ERCC5: variants seen among roughly 807,000 people sequenced by gnomAD.
ERCC5 encodes the protein ERCC excision repair 5, endonuclease, also known as DNA excision repair protein ERCC-5.
Under a neutral mutation model 105.6 loss-of-function variants are expected in ERCC5, and 68 were observed. The observed-to-expected ratio is 0.64, with a 90% CI of 0.53 to 0.79. The LOEUF (loss-of-function observed/expected upper bound fraction) is 0.79, where lower values mean the gene tolerates loss of function less well. Among genes scored for constraint, ERCC5 ranks in the 30% least tolerant of loss-of-function variants. ERCC5 has a pLI of 0.00. For synonymous variants in ERCC5, 546 were observed against 526.2 expected (o/e 1.04, Z -0.51); for missense variants, 1,373 against 1,426.7 (o/e 0.96, Z 0.61).
Position 102,853,811 on chromosome 13 carries a change from G to A in ERCC5, c.319G>A (p.Glu107Lys), listed in dbSNP as rs2140518834. The A allele has an allele frequency of 6.2e-7, 1 of 1,614,206 alleles. No homozygotes were observed. Among genetic ancestry groups the A allele is most frequent in the Non-Finnish European group, 8.5e-7 (1 of 1,180,032 alleles). Residue 107 changes from glutamate (E) to lysine (K), a missense_variant, in exon 3 of 15, where the codon GAG becomes AAG. Around this residue, in one of 3 missense-constraint regions of ERCC5, gnomAD observed 1,004 missense variants for 1,059.7 expected, o/e 0.95. Transcript: ENST00000652225. ...LASSDSRKTT[E>K]KLLKTFLKRQ... ...GTCCAGTGACTCCAGGAAAACGACA[G>A]AGAAGCTTCTGAAAACATTTTTGAA... is the stretch of plus-strand genomic sequence containing the variant.
At position 102,862,919 on chromosome 13, in the gene ERCC5, A is replaced by T. The variant is rs1049062085; in HGVS notation, c.1770A>T (p.Val590=). The change falls in exon 8 of 15, where the codon GTA becomes GTT. Residue 590 remains valine (V), a synonymous_variant. Transcript: ENST00000652225. ...GTTTGCAAGAAACAAGTAGCATAGT[A>T]AGTGTCCCTTCAGAGGCAGTAGATA... ...PVSLQETSSI[V]SVPSEAVDNV... is the part of the protein sequence containing the mutation. 5 of 1,614,118 alleles carry T rather than the reference A, an allele frequency of 3.1e-6. No homozygotes were observed. The highest frequency in any genetic ancestry group is 4.2e-6 in the Non-Finnish European group (5 of 1,180,044).
chr13:102,868,947 C>G (rs1293751766), intron 12 of ERCC5, among the ~76,000 whole-genome samples: 2 of 152,194 alleles, frequency 1.3e-5, no homozygotes, highest in African/African-American at 2.4e-5. Context: ...GAAATATAGT[C>G]ACATACCACA....
chr13:102,868,064 G>A, intron 11 of ERCC5, 49 bp from the exon 12 acceptor site: 2 of 1,554,676 alleles, frequency 1.3e-6, no homozygotes, highest in Non-Finnish European at 1.8e-6. Context: ...GTTTATAAAT[G>A]TCATATAAGA....
chr13:102,863,226 G>A (rs1013836713), intron 8 of ERCC5, 123 bp downstream of exon 8: 3 of 1,144,738 alleles, frequency 2.6e-6, no homozygotes, highest in Non-Finnish European at 3.7e-6. Flanking sequence ...GACGTAGAAA[G>A]AAAGATGAAA....
chr13:102,863,820 T>C (rs1882735643), intron 8 of ERCC5, among the ~76,000 whole-genome samples: 1 of 152,112 alleles, frequency 6.6e-6, no homozygotes. Flanking sequence ...AGCAAGAAGC[T>C]CCGGCCCCAG....
chr13:102,866,549 G>A, intron 10 of ERCC5, 83 bp from the exon 11 acceptor site: 1 of 1,599,460 alleles, frequency 6.3e-7, no homozygotes, highest in Non-Finnish European at 8.5e-7. Flanking sequence ...TGCATTACAT[G>A]AAGTGGTAGG....
At chr13:102,866,075 C>T (rs1172738543) in intron 9 of ERCC5, 164 bp downstream of exon 9, 22 of 1,482,090 alleles carry the variant, frequency 1.5e-5, no homozygotes, top group Non-Finnish European at 1.9e-5. Flanking sequence ...GGATAGACTC[C>T]GTTTTCCATG....
rs750192813 is a variant in ERCC5 at position 102,856,065 on chromosome 13, GATGAAA to G, written c.483_488del (p.Asp161_Lys163delinsGlu). On this transcript the variant is annotated inframe_deletion, in exon 5 of 15. Coordinates refer to ENST00000652225, the MANE Select transcript of ERCC5 (RefSeq NM_000123.4). ...TTTGACTTTCAGTTCAGAAGAGGAA[GATGAAA>G]AAGAATGGCAAGAAAGAATGAATCA... The G allele has an allele frequency of 4.3e-6, 7 of 1,613,836 alleles. No individual in the cohort carries two copies. Among genetic ancestry groups the G allele is most frequent in the Non-Finnish European group, 5.9e-6 (7 of 1,179,928 alleles).
chr13:102,853,110 G>A (rs1458678009), intron 2 of ERCC5, among the ~76,000 whole-genome samples: 1 of 152,174 alleles, frequency 6.6e-6, no homozygotes. Flanking sequence ...AATGCTGGGG[G>A]ACCTTTGTTG....
chr13:102,873,118 T>C lies in ERCC5; in HGVS notation c.2880-141T>C, dbSNP rs4150364. ...GGAGTCATTTATTTTGTTAGTACTT[T>C]CTTTTAGCACTCTAATCTTTATAAA... is the stretch of plus-strand genomic sequence containing the variant. On this transcript the variant is annotated intron_variant, in intron 13 of 14. Transcript: ENST00000652225. 6.3e-5 allele frequency: 57 copies of C among 899,906 alleles called. No individual in the cohort carries two copies. The African/African-American group carries it at 9.6e-4, about 15-fold the overall frequency. The allele number at this position is 899,906 out of a possible 1,614,324, so 55.7% of individuals were successfully genotyped here. A position where few individuals can be genotyped will look rare whatever the true frequency, so the allele number is the denominator to read the frequency against.
At chr13:102,861,485 T>G (rs1190863041) in intron 6 of ERCC5, 22 bp from the exon 7 acceptor site, 8 of 1,612,474 alleles carry the variant, frequency 5.0e-6, no homozygotes, top group Non-Finnish European at 6.8e-6. Flanking sequence ...ACAGTAATTT[T>G]GTTTGTTTAT....
At chr13:102,853,927 G>A in intron 3 of ERCC5, 55 bp downstream of exon 3, 1 of 1,535,666 alleles carries the variant, frequency 6.5e-7, no homozygotes, top group Non-Finnish European at 9.0e-7. Context: ...AGTGATTTTT[G>A]TCTTGATTTC....
chr13:102,868,498 A>T (rs1054381671), intron 12 of ERCC5, among the ~76,000 whole-genome samples: 21 of 152,194 alleles, frequency 1.4e-4, no homozygotes, highest in African/African-American at 4.8e-4. Flanking sequence ...ATTTCACAGG[A>T]ATGTAGAAGT....
chr13:102,873,317 G>T lies in ERCC5; in HGVS notation c.2938G>T (p.Val980Leu). 6.2e-7 allele frequency: 1 copy of T among 1,614,088 alleles called. No homozygotes were observed. Among genetic ancestry groups the T allele is most frequent in the East Asian group, 2.2e-5 (1 of 44,862 alleles). The change falls in exon 14 of 15, where the codon GTA (valine) becomes TTA (leucine). Residue 980 changes from valine to leucine, a missense_variant. Val to Leu is a conservative substitution (Grantham distance 32, BLOSUM62 1). Coordinates refer to ENST00000652225, the MANE Select transcript of ERCC5 (RefSeq NM_000123.4). Reference sequence around the variant, plus strand: ...GAAGACAGATGAATCTCTGTTTCCTGTATTAAAGCAACTCGATGCCCAGCA... The same window carrying T: ...GAAGACAGATGAATCTCTGTTTCCTTTATTAAAGCAACTCGATGCCCAGCA... ...RTKTDESLFP[V>L]LKQLDAQQTQ...
chr13:102,853,444 ATAAT>A (rs1204858318), intron 2 of ERCC5, among the ~76,000 whole-genome samples: 1 of 152,258 alleles, frequency 6.6e-6, no homozygotes, highest in Non-Finnish European at 1.5e-5. Context: ...GAATAAATAA[ATAAT>A]TTCTTTTGGG....
intron 4 of ERCC5, among the ~76,000 whole-genome samples, chr13:102,855,408 C>A (rs1385881661): frequency 6.6e-6 from 1 of 152,082 alleles, no homozygotes; most frequent in Non-Finnish European, 1.5e-5. Flanking sequence ...TGCCACCACA[C>A]CTGGCTAATT....
chr13:102,854,052 C>A lies in ERCC5; in HGVS notation c.380+180C>A. On this transcript the variant is annotated intron_variant, in intron 3 of 14. Coordinates refer to ENST00000652225, the MANE Select transcript of ERCC5 (RefSeq NM_000123.4). ...TTTGGAGTTGTGGCAATTCTCCGTT[C>A]TGTGAGAATCAACTTTGCTAATGAG... The A allele has an allele frequency of 5.4e-6, 4 of 734,092 alleles. No individual in the cohort carries two copies. In the East Asian group the frequency reaches 8.1e-5, roughly 15 times the overall value. The allele number at this position is 734,092 out of a possible 1,614,324, so 45.5% of individuals were successfully genotyped here.
chr13:102,849,276 T>C (rs1357940796), intron 1 of ERCC5: 3 of 518,178 alleles, frequency 5.8e-6, no homozygotes, highest in Non-Finnish European at 1.2e-5. Flanking sequence ...ATTTTAGAAC[T>C]GGTTTCCTTA....
At chr13:102,849,719 C>T (rs556027988) in intron 1 of ERCC5, among the ~76,000 whole-genome samples, 1 of 152,208 alleles carries the variant, frequency 6.6e-6, no homozygotes, top group East Asian at 1.9e-4. Context: ...CCGGGCAAGC[C>T]ATGGAGCACA....
Sources: gnomAD v4.1 joint callset for allele counts (sites outside exome capture counted in the v4.1 genomes callset) on GRCh38, gnomAD v4.1.1 for gene constraint, gnomAD v4.1.1 regional missense constraint, MANE v1.5 for transcripts, NCBI Gene and HGNC (gene_info 2026-07-23, HGNC 2026-07-21) for gene names.